The following TOM1L2 variants were observed in gnomAD, a reference collection of about 807,000 sequenced individuals.
The protein encoded by TOM1L2 is target of myb1 like 2 membrane trafficking protein.
Under a neutral mutation model 67.9 loss-of-function variants are expected in TOM1L2, and 31 were observed. That is an observed-to-expected ratio of 0.46 (90% confidence interval 0.34 to 0.62). The LOEUF (loss-of-function observed/expected upper bound fraction) is 0.62. TOM1L2 is among the 20% of genes least tolerant of loss of function. TOM1L2 has a pLI of 0.01. For missense variants in TOM1L2, 606 were observed against 663.5 expected, an observed-to-expected ratio of 0.91 and a Z score of 0.95; for synonymous variants, 256 against 254.0, an observed-to-expected ratio of 1.01 and a Z score of -0.07.
chr17:17,869,308 GAAAAAAAAAA>G, intron 8 of TOM1L2, 22 bp downstream of exon 8: 1 of 1,516,730 alleles, frequency 6.6e-7, no homozygotes. Context: ...CTTTTCAAGG[GAAAAAAAAAA>G]AAAAAGAAAT....
chr17:17,955,533 G>T (rs1341104566), intron 1 of TOM1L2, among the ~76,000 whole-genome samples: 1 of 151,876 alleles, frequency 6.6e-6, no homozygotes, highest in Non-Finnish European at 1.5e-5. Flanking sequence ...CAGAGACAGG[G>T]TTTCACCATA....
chr17:17,956,521 A>G (rs2041455782), intron 1 of TOM1L2, among the ~76,000 whole-genome samples: 1 of 152,170 alleles, frequency 6.6e-6, no homozygotes, highest in Non-Finnish European at 1.5e-5. Flanking sequence ...TGGGCGGTCG[A>G]TGGGACCGGG....
At chr17:17,881,329 T>G (rs1403511032) in intron 6 of TOM1L2, among the ~76,000 whole-genome samples, 1 of 152,140 alleles carries the variant, frequency 6.6e-6, no homozygotes, top group Non-Finnish European at 1.5e-5. Flanking sequence ...GGTGCTGACC[T>G]GCCTACCTCT....
At chr17:17,895,603 C>G (rs2038527895) in intron 3 of TOM1L2, among the ~76,000 whole-genome samples, 1 of 152,196 alleles carries the variant, frequency 6.6e-6, no homozygotes, top group Middle Eastern at 3.2e-3. Flanking sequence ...AGACATTGAT[C>G]TAGGTACAAA....
At chr17:17,917,779 A>AC (rs1385358942) in intron 1 of TOM1L2, among the ~76,000 whole-genome samples, 1 of 151,178 alleles carries the variant, frequency 6.6e-6, no homozygotes, top group Non-Finnish European at 1.5e-5. Context: ...ACATAAGGAG[A>AC]CCCCATCCCT....
In TOM1L2 at chr17:17,907,550, A is replaced by G. The variant is rs764778677; in HGVS notation, c.53-19T>C. 6.2e-7 allele frequency: 1 copy of G among 1,612,078 alleles called. No homozygotes were observed. The highest frequency in any genetic ancestry group is 1.7e-5 in the Admixed American group (1 of 59,962). On this transcript the variant is annotated intron_variant, in intron 1 of 14. Coordinates refer to ENST00000379504, the MANE Select transcript of TOM1L2 (RefSeq NM_001082968.2). ...GCCTTTTCTGTGAAATCAGAGAGAA[A>G]ATGGGTTTACATTTCTCCTGGAATA...
intron 10 of TOM1L2, 57 bp downstream of exon 10, chr17:17,866,239 C>A: frequency 6.5e-7 from 1 of 1,541,106 alleles, no homozygotes; most frequent in Non-Finnish European, 8.7e-7. Flanking sequence ...AGGTGGCCTG[C>A]AAGGGAGGCC....
Position 17,878,302 on chromosome 17 carries a change from G to T in TOM1L2, c.777+1325C>A, listed in dbSNP as rs1333262850. On this transcript the variant is annotated intron_variant, in intron 7 of 14. Coordinates refer to ENST00000379504, the MANE Select transcript of TOM1L2 (RefSeq NM_001082968.2). The stretch of plus-strand genomic sequence containing the variant: ...TGGGAACTAGGGAGAGGCCACTCAG[G>T]ACTCCTCACTGGGGCTGGGCCAAGG... 2.0e-5 allele frequency among the ~76,000 whole-genome samples: 3 copies of T among 152,248 alleles called. No homozygotes were observed. The East Asian group carries it at 5.8e-4, about 29-fold the overall frequency.
intron 1 of TOM1L2, among the ~76,000 whole-genome samples, chr17:17,948,742 C>A (rs1242657598): frequency 6.6e-6 from 1 of 152,076 alleles, no homozygotes; most frequent in East Asian, 1.9e-4. Context: ...CAGTTCACAC[C>A]CCCTCTTGCT....
intron 1 of TOM1L2, among the ~76,000 whole-genome samples, chr17:17,913,745 C>A (rs923484093): frequency 1.3e-5 from 2 of 152,146 alleles, no homozygotes; most frequent in Non-Finnish European, 2.9e-5. Context: ...AGTTATCATG[C>A]CTTTGAACCC....
At chr17:17,952,108 G>A (rs1379601181) in intron 1 of TOM1L2, among the ~76,000 whole-genome samples, 1 of 152,188 alleles carries the variant, frequency 6.6e-6, no homozygotes, top group African/African-American at 2.4e-5. Flanking sequence ...GGAGGAGGAT[G>A]GCTATATAAA....
At chr17:17,898,782 T>C in intron 2 of TOM1L2, 108 bp from the exon 3 acceptor site, 1 of 1,052,380 alleles carries the variant, frequency 9.5e-7, no homozygotes, top group South Asian at 1.3e-5. Flanking sequence ...GGCTGCAGCA[T>C]GTTTGTAAAT....
chr17:17,921,932 G>C (rs1598343578), intron 1 of TOM1L2, among the ~76,000 whole-genome samples: 2 of 152,028 alleles, frequency 1.3e-5, no homozygotes, highest in African/African-American at 2.4e-5. Context: ...GAATTTCACA[G>C]TGTGCCACAC....
In TOM1L2 at chr17:17,850,797, G is replaced by A. The variant is rs1020794607; in HGVS notation, c.1338+96C>T. 1.1e-4 allele frequency: 144 copies of A among 1,327,080 alleles called. 2 individuals carry two copies. The highest frequency in any genetic ancestry group is 2.2e-5 in the Non-Finnish European group (20 of 924,958). 82.2% of individuals were successfully genotyped at this position (1,327,080 alleles called of 1,614,324 possible). On this transcript the variant is annotated intron_variant, in intron 13 of 14. Coordinates refer to ENST00000379504, the MANE Select transcript of TOM1L2 (RefSeq NM_001082968.2). Reference sequence around the variant, plus strand: ...CTCCCTTCTCCACTGACCCAGACAGGGGTGGAGCCCCTGCTGATGCTCCCC... The same window carrying A: ...CTCCCTTCTCCACTGACCCAGACAGAGGTGGAGCCCCTGCTGATGCTCCCC...
chr17:17,956,179 G>C (rs572855489), intron 1 of TOM1L2, among the ~76,000 whole-genome samples: 13 of 152,326 alleles, frequency 8.5e-5, no homozygotes, highest in African/African-American at 3.1e-4. Flanking sequence ...CCATTTTACA[G>C]AGAACTGATT....
At chr17:17,943,668 AC>A (rs1339438757) in intron 1 of TOM1L2, among the ~76,000 whole-genome samples, 2 of 152,124 alleles carry the variant, frequency 1.3e-5, no homozygotes, top group Admixed American at 6.5e-5. Context: ...TACACTCCAC[AC>A]TGCCCCAGGT....
intron 1 of TOM1L2, among the ~76,000 whole-genome samples, chr17:17,928,597 A>C (rs1037913680): frequency 6.6e-6 from 1 of 152,162 alleles, no homozygotes; most frequent in Admixed American, 6.5e-5. Flanking sequence ...GCATGCACAC[A>C]CGAGATGAAT....
intron 1 of TOM1L2, among the ~76,000 whole-genome samples, chr17:17,959,363 C>CA (rs1023019194): frequency 2.6e-5 from 4 of 152,098 alleles, no homozygotes; most frequent in African/African-American, 7.2e-5. Context: ...ACAAAAACAA[C>CA]AAAAAAATCC....
At chr17:17,957,791 T>C (rs2041521315) in intron 1 of TOM1L2, among the ~76,000 whole-genome samples, 1 of 151,986 alleles carries the variant, frequency 6.6e-6, no homozygotes, top group Non-Finnish European at 1.5e-5. Context: ...CAGTCTCTTA[T>C]GGAAAGCTGT....
Sources: allele counts gnomAD v4.1 joint callset (sites outside exome capture counted in the v4.1 genomes callset), GRCh38; gene constraint gnomAD v4.1.1; transcripts MANE v1.5; gene names NCBI Gene and HGNC (gene_info 2026-07-23, HGNC 2026-07-21).